Variants in COL6A3 observed in about 807,000 individuals in gnomAD.
The protein encoded by COL6A3 is collagen alpha-3(VI) chain.
A neutral mutation model predicts 274.1 loss-of-function variants in COL6A3; 137 were observed. The ratio of observed to expected loss-of-function variants is 0.50; its 90% CI spans 0.44 to 0.58. COL6A3 has a LOEUF of 0.58. COL6A3 is among the 20% of genes least tolerant of loss of function. COL6A3 has a pLI of 0.00. For missense variants in COL6A3, 3,950 were observed against 4,124.9 expected (o/e 0.96, Z 1.16); for synonymous variants, 1,650 against 1,650.6 (o/e 1.00, Z 0.01).
rs139839139 is a variant in COL6A3 at position 237,324,107 on chromosome 2, C to CA, written c.*666dup. On this transcript the variant is annotated 3_prime_UTR_variant, in exon 44 of 44. Coordinates refer to ENST00000295550, the MANE Select transcript of COL6A3 (RefSeq NM_004369.4). ...AATTAAATCCCCTCCCTCCAGCACA[C>CA]ACAAAAAAAAAACACACAACATTAG... 0.026 allele frequency: 3,748 copies of CA among 144,198 alleles called. 137 individuals are homozygous for CA. The highest frequency in any genetic ancestry group is 0.084 in the African/African-American group (3,266 of 38,942). The allele number at this position is 144,198 out of a possible 1,614,324, so 8.9% of individuals were successfully genotyped here.
At position 237,354,913 on chromosome 2, in the gene COL6A3, G is replaced by A. The variant is rs748768672; in HGVS notation, c.6613C>T (p.Pro2205Ser). 3 of 1,613,806 alleles carry A rather than the reference G, an allele frequency of 1.9e-6. No individual in the cohort carries two copies. The highest frequency in any genetic ancestry group is 1.1e-5 in the South Asian group (1 of 90,962). ...GKNGGFGRRGPPGAKGNKGGP... is the reference protein window; with the variant it reads ...GKNGGFGRRGSPGAKGNKGGP... The stretch of plus-strand genomic sequence containing the variant: ...ATGAGGCTCACCTTAGCTCCGGGGG[G>A]TCCCCTTCGGCCAAAGCCACCCTGT... Residue 2205 changes from proline (P) to serine (S), a missense_variant, in exon 24 of 44, where the codon CCC becomes TCC. Pro to Ser is a moderately conservative substitution (Grantham distance 74). Transcript: ENST00000295550.
Position 237,374,419 on chromosome 2 carries a change from C to T in COL6A3, c.3672G>A (p.Pro1224=), listed in dbSNP as rs547052866. ...AAAGAGTTCCCTGCGTACCTGGGCT[C>T]GGTAGAGGCTGCAACACCGGCTGCA... ...SRLQPVLQPL[P]SPGVGGKRDV... Residue 1224 remains proline (P), a synonymous_variant, in exon 8 of 44, where the codon CCG becomes CCA. Transcript: ENST00000295550. The surrounding 1 kb of genome is among the most constrained non-coding windows in gnomAD (Gnocchi z 4.8). The T allele has an allele frequency of 6.2e-6, 10 of 1,612,782 alleles. No homozygotes were observed. Among genetic ancestry groups the T allele is most frequent in the Middle Eastern group, 1.7e-4 (1 of 6,060 alleles).
At chr2:237,411,627 G>A (rs1424252065) in intron 1 of COL6A3, among the ~76,000 whole-genome samples, 3 of 152,154 alleles carry the variant, frequency 2.0e-5, no homozygotes, top group African/African-American at 4.8e-5. Context: ...CTTTCTCATC[G>A]GGGACGTATT....
rs976791577 is a variant in COL6A3, at chr2:237,380,886, T to C, written c.1897+29A>G. On this transcript the variant is annotated intron_variant, in intron 5 of 43. Coordinates refer to ENST00000295550, the MANE Select transcript of COL6A3 (RefSeq NM_004369.4). Reference sequence around the variant, plus strand: ...AAGGCCCTGCCTGGAGACCACCCCATTGTGTGTCTGAAGCCATCACCACCA... The same window carrying C: ...AAGGCCCTGCCTGGAGACCACCCCACTGTGTGTCTGAAGCCATCACCACCA... The C allele has an allele frequency of 3.7e-6, 6 of 1,603,474 alleles. No individual in the cohort carries two copies. The African/African-American group carries it at 6.7e-5, about 18-fold the overall frequency.
At chr2:237,395,863 C>T (rs1452344248) in intron 2 of COL6A3, among the ~76,000 whole-genome samples, 1 of 152,180 alleles carries the variant, frequency 6.6e-6, no homozygotes, top group Non-Finnish European at 1.5e-5. Context: ...AGATGTCAAA[C>T]ATTATCTATC....
At position 237,413,289 on chromosome 2, in the gene COL6A3, A is replaced by G. The variant is rs2078901613; in HGVS notation, c.-31+664T>C. 6.6e-6 allele frequency among the ~76,000 whole-genome samples: 1 copy of G among 151,922 alleles called. No homozygotes were observed. The highest frequency in any genetic ancestry group is 1.5e-5 in the Non-Finnish European group (1 of 67,980). The stretch of plus-strand genomic sequence containing the variant: ...TCCTTCTTCTCCTCTGACCCCTGCA[A>G]CTCCTTTAAGCAACCCCAAGGGACA... On this transcript the variant is annotated intron_variant, in intron 1 of 43. Coordinates refer to ENST00000295550, the MANE Select transcript of COL6A3 (RefSeq NM_004369.4). This position sits in a 1 kb window ranked among gnomAD's most constrained non-coding sequence, Gnocchi z 4.0.
chr2:237,334,486 T>A (rs1700426603), intron 41 of COL6A3, 140 bp downstream of exon 41: 5 of 910,974 alleles, frequency 5.5e-6, no homozygotes, highest in Non-Finnish European at 8.6e-6. Context: ...CAGGCTGAGT[T>A]GTTTTGTTGT....
rs1215789317 is a variant in COL6A3 at position 237,325,636 on chromosome 2, T to C, written c.9417A>G (p.Arg3139=). The change falls in exon 43 of 44, where the codon AGA becomes AGG. Residue 3139 remains arginine, a synonymous_variant. Transcript: ENST00000295550. ...YYDPNTKSCA[R]FWYGGCGGNE... ...TTCCACCACAACCTCCATACCAGAA[T>C]CTTGCACAGCTTTTGGTGTTTGGAT... 24 of 1,614,164 alleles carry C rather than the reference T, an allele frequency of 1.5e-5. No individual in the cohort carries two copies. Among genetic ancestry groups the C allele is most frequent in the Non-Finnish European group, 1.8e-5 (21 of 1,179,990 alleles).
At chr2:237,382,916 T>C (rs2078044722) in intron 4 of COL6A3, among the ~76,000 whole-genome samples, 1 of 152,012 alleles carries the variant, frequency 6.6e-6, no homozygotes, top group South Asian at 2.1e-4. Flanking sequence ...GCCTCCTGAG[T>C]AGTTGGGATT....
intron 42 of COL6A3, among the ~76,000 whole-genome samples, chr2:237,332,790 G>GTTTCTCA (rs1559189122): frequency 2.6e-5 from 4 of 152,150 alleles, no homozygotes; most frequent in Non-Finnish European, 5.9e-5. Flanking sequence ...CGATGAACAA[G>GTTTCTCA]CCAAGTCCAC....
At position 237,364,375 on chromosome 2, in the gene COL6A3, T is replaced by C; in HGVS notation, c.5892A>G (p.Arg1964=). ...GADGDLADLH[R]ASENLRQEGV... is the part of the protein sequence containing the mutation. ...CTTCTTGGCGGAGGTTCTCAGATGCTCTGTGTAAATCAGCCAGATCTCCGT... is the reference window on the plus strand; with the variant it reads ...CTTCTTGGCGGAGGTTCTCAGATGCCCTGTGTAAATCAGCCAGATCTCCGT... The change falls in exon 13 of 44, where the codon AGA becomes AGG. Residue 1964 remains arginine, a synonymous_variant. Coordinates refer to ENST00000295550, the MANE Select transcript of COL6A3 (RefSeq NM_004369.4). This position sits in a 1 kb window ranked among gnomAD's most constrained non-coding sequence, Gnocchi z 4.6. 6.2e-7 allele frequency: 1 copy of C among 1,614,082 alleles called. No individual in the cohort carries two copies.
Position 237,364,939 on chromosome 2 carries a change from A to G in COL6A3, c.5839-511T>C, listed in dbSNP as rs925018175. Among the ~76,000 whole-genome samples the G allele has an allele frequency of 6.6e-6, 1 of 151,226 alleles. No individual in the cohort carries two copies. Among genetic ancestry groups the G allele is most frequent in the Non-Finnish European group, 1.5e-5 (1 of 67,806 alleles). ...TCTGTGGGTGTGTGTGCGTGTGTGC[A>G]TGTGTGCATGTGTTATGGGCTAAAT... On this transcript the variant is annotated intron_variant, in intron 12 of 43. Coordinates refer to ENST00000295550, the MANE Select transcript of COL6A3 (RefSeq NM_004369.4). The surrounding 1 kb of genome is among the most constrained non-coding windows in gnomAD (Gnocchi z 4.6).
At chr2:237,408,266 C>T (rs1017037210) in intron 1 of COL6A3, among the ~76,000 whole-genome samples, 11 of 152,224 alleles carry the variant, frequency 7.2e-5, no homozygotes, top group East Asian at 1.9e-4. Context: ...CAGCAATGGT[C>T]GGCCAATCTC....
intron 11 of COL6A3, 45 bp from the exon 12 acceptor site, chr2:237,366,080 G>A: frequency 1.3e-6 from 2 of 1,559,514 alleles, no homozygotes; most frequent in Non-Finnish European, 1.8e-6. Flanking sequence ...CTGGGGCTGA[G>A]GAGACGAACT....
At chr2:237,376,742 G>A (rs1377580467) in intron 7 of COL6A3, 30 bp downstream of exon 7, 6 of 1,607,974 alleles carry the variant, frequency 3.7e-6, no homozygotes, top group Non-Finnish European at 4.3e-6. Context: ...AGAACTGAGT[G>A]GCAGAGCAAC....
intron 9 of COL6A3, 149 bp from the exon 10 acceptor site, chr2:237,369,326 A>G: frequency 8.7e-7 from 1 of 1,145,422 alleles, no homozygotes; most frequent in East Asian, 2.6e-5. Context: ...TTTTGAAATT[A>G]GCCGTTAAAA....
intron 1 of COL6A3, among the ~76,000 whole-genome samples, chr2:237,403,585 A>T (rs141698910): frequency 1.3e-4 from 20 of 152,234 alleles, no homozygotes; most frequent in African/African-American, 4.8e-4. Context: ...GACAGCAATG[A>T]GTGGTGATAG....
Position 237,367,193 on chromosome 2 carries a change from A to G in COL6A3, c.4994T>C (p.Ile1665Thr), listed in dbSNP as rs1034783532. ...FQEVLRFVSE[I>T]VDTVYEDGDS... is the part of the protein sequence containing the mutation. ...GCCATCTTCATAAACTGTGTCCACT[A>G]TTTCAGACACAAAACGAAGCACTTC... The change falls in exon 11 of 44, where the codon ATA (isoleucine) becomes ACA (threonine). Residue 1665 changes from isoleucine (I) to threonine (T), a missense_variant. Around this residue, in one of 5 missense-constraint regions of COL6A3, gnomAD observed 632 missense variants for 623.4 expected, o/e 1.01. Coordinates refer to ENST00000295550, the MANE Select transcript of COL6A3 (RefSeq NM_004369.4). The G allele has an allele frequency of 7.4e-6, 12 of 1,613,940 alleles. No individual in the cohort carries two copies. The African/African-American group carries it at 1.6e-4, about 22-fold the overall frequency.
intron 1 of COL6A3, among the ~76,000 whole-genome samples, chr2:237,405,168 T>C (rs1052774936): frequency 6.6e-6 from 1 of 152,072 alleles, no homozygotes; most frequent in African/African-American, 2.4e-5. Flanking sequence ...TCAGAACCCA[T>C]ATGGTTTGAC....
Sources: allele counts gnomAD v4.1 joint callset (sites outside exome capture counted in the v4.1 genomes callset), GRCh38; gene constraint gnomAD v4.1.1; regional missense constraint gnomAD v4.1.1; non-coding constraint Gnocchi (gnomAD v3.1); transcripts MANE v1.5; gene names NCBI Gene and HGNC (gene_info 2026-07-23, HGNC 2026-07-21).